PRSS58: variants seen among roughly 807,000 people sequenced by gnomAD.
PRSS58 encodes protease, serine 58.
A neutral mutation model predicts 25.0 loss-of-function variants in PRSS58; 31 were observed. The observed-to-expected ratio is 1.24, with a 90% confidence interval of 0.93 to 1.67. The LOEUF is 1.67. Ranked by LOEUF, PRSS58 falls within the 40% of genes most tolerant of loss-of-function variation. PRSS58 has a pLI of 0.00. For missense variants in PRSS58, 324 were observed against 287.9 expected (o/e 1.13, Z -0.91); for synonymous variants, 119 against 106.1 (o/e 1.12, Z -0.75).
intron 4 of PRSS58, 77 bp from the exon 5 acceptor site, chr7:142,252,688 T>G: frequency 6.9e-7 from 1 of 1,452,728 alleles, no homozygotes; most frequent in Non-Finnish European, 9.2e-7. Context: ...ACTTTTCTTC[T>G]TCTACCATCA....
intron 2 of PRSS58, among the ~76,000 whole-genome samples, chr7:142,256,761 C>T (rs2116389015): frequency 6.6e-6 from 1 of 152,282 alleles, no homozygotes; most frequent in Middle Eastern, 3.4e-3. Context: ...ACTCCAGTCT[C>T]AGGTAATATT....
At position 142,255,672 on chromosome 7, in the gene PRSS58, A is replaced by C. The variant is rs749713584; in HGVS notation, c.42T>G (p.Val14=). ...ILLWALLNLT[V]ALAFNPDYTV... is the part of the protein sequence containing the mutation. ...TGTAATCTGGATTAAAGGCCAAAGC[A>C]ACTGGAAAGAGAAGCATAGACAAGA... Residue 14 remains valine (V), a splice_region_variant and synonymous_variant, in exon 3 of 6, where the codon GTT becomes GTG. Transcript: ENST00000547058. The C allele has an allele frequency of 3.7e-6, 6 of 1,603,132 alleles. No homozygotes were observed. The highest frequency in any genetic ancestry group is 2.2e-5 in the East Asian group (1 of 44,606).
rs777560752 is a variant in PRSS58, at chr7:142,255,128, G to A, written c.363C>T (p.Asn121=). 6.2e-7 allele frequency: 1 copy of A among 1,613,910 alleles called. No individual in the cohort carries two copies. Among genetic ancestry groups the A allele is most frequent in the Non-Finnish European group, 8.5e-7 (1 of 1,179,806 alleles). Residue 121 remains asparagine, a synonymous_variant, in exon 4 of 6, where the codon AAC becomes AAT. Transcript: ENST00000547058. ...AELNDYVKLA[N]LPYQTISENT... is the part of the protein sequence containing the mutation. The stretch of plus-strand genomic sequence containing the variant: ...TTTCAGAGATAGTTTGGTAGGGCAG[G>A]TTGGCTAATTTCACATAGTCATTGA...
At chr7:142,254,156 T>C (rs1217304692) in intron 4 of PRSS58, among the ~76,000 whole-genome samples, 2 of 152,170 alleles carry the variant, frequency 1.3e-5, no homozygotes, top group South Asian at 2.1e-4. Context: ...AACTTACTCA[T>C]GAGTAAAGTT....
intron 4 of PRSS58, 101 bp downstream of exon 4, chr7:142,254,954 G>A: frequency 8.5e-7 from 1 of 1,176,866 alleles, no homozygotes. Flanking sequence ...GGGGGAAAGA[G>A]GTTAGAAGAA....
chr7:142,256,917 T>G (rs553688141), intron 2 of PRSS58, among the ~76,000 whole-genome samples: 123 of 152,228 alleles, frequency 8.1e-4, no homozygotes, highest in African/African-American at 2.9e-3. Context: ...GTCAGTTACA[T>G]CACAGAGGCC....
In PRSS58 at chr7:142,255,625, T is replaced by A; in HGVS notation, c.89A>T (p.Tyr30Phe). 6.2e-7 allele frequency: 1 copy of A among 1,613,744 alleles called. No individual in the cohort carries two copies. Among genetic ancestry groups the A allele is most frequent in the Non-Finnish European group, 8.5e-7 (1 of 1,179,836 alleles). The change falls in exon 3 of 6, where the codon TAC (tyrosine) becomes TTC (phenylalanine). Residue 30 changes from tyrosine to phenylalanine, a missense_variant. By Grantham distance (22) the Tyr-to-Phe change is conservative (BLOSUM62 3). Coordinates refer to ENST00000547058, the MANE Select transcript of PRSS58 (RefSeq NM_001001317.5). ...PDYTVSSTPP[Y>F]LVYLKSDYLP... ...GTAGTCAGATTTCAAATAGACCAAG[T>A]AAGGGGGAGTGGAGCTGACTGTGTA...
intron 4 of PRSS58, among the ~76,000 whole-genome samples, chr7:142,254,216 A>G (rs1381679417): frequency 2.0e-5 from 3 of 152,166 alleles, no homozygotes; most frequent in South Asian, 2.1e-4. Flanking sequence ...CTATTTTGCT[A>G]ATAGGTAATC....
At chr7:142,253,078 T>A (rs1298821951) in intron 4 of PRSS58, among the ~76,000 whole-genome samples, 1 of 152,086 alleles carries the variant, frequency 6.6e-6, no homozygotes, top group Non-Finnish European at 1.5e-5. Context: ...TGCCAGCTAC[T>A]TGGGAGGCAG....
chr7:142,252,856 A>G (rs1324815510), intron 4 of PRSS58, among the ~76,000 whole-genome samples: 2 of 152,124 alleles, frequency 1.3e-5, no homozygotes, highest in African/African-American at 4.8e-5. Context: ...CATGTGAGAC[A>G]CTCCAGGAAT....
At chr7:142,254,734 C>A (rs1460013012) in intron 4 of PRSS58, among the ~76,000 whole-genome samples, 1 of 152,102 alleles carries the variant, frequency 6.6e-6, no homozygotes, top group African/African-American at 2.4e-5. Context: ...GAGTAATCTG[C>A]TTTATTTTAG....
rs151241223 is a variant in PRSS58 at position 142,255,409 on chromosome 7, C to A, written c.180-98G>T. The A allele has an allele frequency of 1.4e-3, 2,278 of 1,573,008 alleles. 11 individuals carry two copies. Among genetic ancestry groups the A allele is most frequent in the Middle Eastern group, 9.0e-3 (50 of 5,548 alleles). ...CCTCCCCACAGACCTTTTTCTGTAC[C>A]CTCGTATGTCTCCCAAAGGCTTTTC... is the stretch of plus-strand genomic sequence containing the variant. On this transcript the variant is annotated intron_variant, in intron 3 of 5. Coordinates refer to ENST00000547058, the MANE Select transcript of PRSS58 (RefSeq NM_001001317.5).
intron 4 of PRSS58, among the ~76,000 whole-genome samples, chr7:142,253,039 T>G (rs1264550875): frequency 6.6e-6 from 1 of 152,082 alleles, no homozygotes; most frequent in Non-Finnish European, 1.5e-5. Context: ...ATAGAAAAAT[T>G]AGCTGGGCGT....
At position 142,255,546 on chromosome 7, in the gene PRSS58, G is replaced by C. The variant is rs558381516; in HGVS notation, c.168C>G (p.His56Gln). ...GGCTTATCACTCACGGTAAATTGCA[G>C]TGTGCAGCTGTGATCACCCAAAGCG... ...IHPLWVITAA[H>Q]CNLPKLRVIL... The change falls in exon 3 of 6, where the codon CAC becomes CAG. Residue 56 changes from histidine (H) to glutamine (Q), a missense_variant. His to Gln is a conservative substitution (Grantham distance 24, BLOSUM62 0). Transcript: ENST00000547058. The C allele has an allele frequency of 1.7e-4, 268 of 1,614,084 alleles. 2 individuals carry two copies. In the South Asian group the frequency reaches 2.7e-3, roughly 16 times the overall value.
Position 142,255,291 on chromosome 7 carries a change from C to T in PRSS58, c.200G>A (p.Gly67Glu). ...CNLPKLRVILGVTIPADSNEK... is the reference protein window; with the variant it reads ...CNLPKLRVILEVTIPADSNEK... ...ATTAGAGTCTGCTGGGATTGTAACC[C>T]CCAATATCACCCGAAGCTTTCTGGA... Residue 67 changes from glycine (G) to glutamate (E), a missense_variant, in exon 4 of 6, where the codon GGG becomes GAG. Physicochemically the swap from Gly to Glu is moderately conservative, Grantham distance 98. Coordinates refer to ENST00000547058, the MANE Select transcript of PRSS58 (RefSeq NM_001001317.5). 2 of 1,613,764 alleles carry T rather than the reference C, an allele frequency of 1.2e-6. No homozygotes were observed. Among genetic ancestry groups the T allele is most frequent in the African/African-American group, 1.3e-5 (1 of 74,998 alleles).
chr7:142,254,905 T>A, intron 4 of PRSS58, 150 bp downstream of exon 4: 1 of 733,530 alleles, frequency 1.4e-6, no homozygotes, highest in Non-Finnish European at 2.2e-6. Flanking sequence ...CCCAAAAACC[T>A]TGAAGCACTC....
At chr7:142,252,413 T>A in intron 5 of PRSS58, 43 bp from the exon 6 acceptor site, 1 of 1,611,098 alleles carries the variant, frequency 6.2e-7, no homozygotes, top group Non-Finnish European at 8.5e-7. Flanking sequence ...AAGCAGATTA[T>A]CTTTCTGGCA....
Position 142,252,239 on chromosome 7 carries a change from A to G in PRSS58, c.708T>C (p.Asn236=), listed in dbSNP as rs1208750830. The G allele has an allele frequency of 4.3e-6, 7 of 1,612,152 alleles. No individual in the cohort carries two copies. The African/African-American group carries it at 5.3e-5, about 12-fold the overall frequency. The change falls in exon 6 of 6, where the codon AAT becomes AAC. Residue 236 remains asparagine (N), a synonymous_variant. Transcript: ENST00000547058. ...KIFYYIPWIE[N]VIQNN is the part of the protein sequence containing the mutation. ...CCACAGCTCAGTTATTTTGGATTAC[A>G]TTTTCAATCCAGGGTATATAGTAAA... is the stretch of plus-strand genomic sequence containing the variant.
chr7:142,254,154 C>T (rs1167523013), intron 4 of PRSS58, among the ~76,000 whole-genome samples: 1 of 152,080 alleles, frequency 6.6e-6, no homozygotes, highest in African/African-American at 2.4e-5. Flanking sequence ...CAAACTTACT[C>T]ATGAGTAAAG....
Sources: gnomAD v4.1 joint callset for allele counts (sites outside exome capture counted in the v4.1 genomes callset) on GRCh38, gnomAD v4.1.1 for gene constraint, MANE v1.5 for transcripts, NCBI Gene and HGNC (gene_info 2026-07-23, HGNC 2026-07-21) for gene names.